Variants in AGBL1 observed in about 807,000 individuals in gnomAD.
The protein encoded by AGBL1 is AGBL carboxypeptidase 1.
AGBL1 carries 130 observed loss-of-function variants against 118.9 expected under a neutral mutation model. The ratio of observed to expected loss-of-function variants is 1.09; its 90% confidence interval spans 0.95 to 1.26. AGBL1 has a LOEUF of 1.26. Ranked by LOEUF, AGBL1 falls within the 50% of genes most tolerant of loss-of-function variation. The pLI is 0.00. For missense variants in AGBL1, 1,584 were observed against 1,298.1 expected (o/e 1.22, Z -3.38); for synonymous variants, 555 against 478.9 (o/e 1.16, Z -2.08).
intron 1 of AGBL1, among the ~76,000 whole-genome samples, chr15:86,127,878 A>G (rs988435347): frequency 3.3e-5 from 5 of 152,170 alleles, no homozygotes; most frequent in African/African-American, 1.2e-4. Context: ...AGAAAAGGAA[A>G]GCCACAAGAG....
At chr15:86,842,944 GA>G (rs1320044567) in intron 22 of AGBL1, among the ~76,000 whole-genome samples, 1 of 152,038 alleles carries the variant, frequency 6.6e-6, no homozygotes, top group East Asian at 1.9e-4. Context: ...ATTCAATCTG[GA>G]AAATGCTTGC....
At chr15:86,647,188 C>CT (rs971761532) in intron 21 of AGBL1, among the ~76,000 whole-genome samples, 53 of 151,084 alleles carry the variant, frequency 3.5e-4, no homozygotes, top group Middle Eastern at 3.4e-3. Flanking sequence ...ATTTTAATAT[C>CT]TTTTTTTTAC....
intron 22 of AGBL1, among the ~76,000 whole-genome samples, chr15:86,838,153 C>A (rs983398026): frequency 6.6e-6 from 1 of 151,302 alleles, no homozygotes; most frequent in African/African-American, 2.4e-5. Context: ...GCTGTTTGAC[C>A]AAATTAGCCC....
chr15:86,275,193 C>G (rs1293706935), intron 15 of AGBL1, among the ~76,000 whole-genome samples: 4 of 152,188 alleles, frequency 2.6e-5, no homozygotes, highest in Non-Finnish European at 5.9e-5. Flanking sequence ...GGGAGGGAAG[C>G]TGTGCGCTTA....
At chr15:86,721,322 C>T (rs1339636475) in intron 22 of AGBL1, among the ~76,000 whole-genome samples, 5 of 152,172 alleles carry the variant, frequency 3.3e-5, no homozygotes, top group South Asian at 2.1e-4. Context: ...GGCTTCATCC[C>T]TGGGATGCAA....
intron 18 of AGBL1, among the ~76,000 whole-genome samples, chr15:86,433,634 G>T (rs2081967129): frequency 6.6e-6 from 1 of 152,120 alleles, no homozygotes; most frequent in Non-Finnish European, 1.5e-5. Flanking sequence ...GAGAACTCTG[G>T]CATGCACTGT....
chr15:86,897,888 G>C (rs1275668570), intron 22 of AGBL1, among the ~76,000 whole-genome samples: 1 of 146,638 alleles, frequency 6.8e-6, no homozygotes, highest in South Asian at 2.2e-4. Context: ...TCCCACCTCA[G>C]CCTCCTGAGT....
At chr15:87,016,500 C>T (rs1297368680) in intron 24 of AGBL1, among the ~76,000 whole-genome samples, 3 of 152,140 alleles carry the variant, frequency 2.0e-5, no homozygotes, top group East Asian at 1.9e-4. Flanking sequence ...CCTTTATTAT[C>T]TCATCTATAA....
chr15:86,883,389 G>A (rs532825728), intron 22 of AGBL1, among the ~76,000 whole-genome samples: 60 of 152,256 alleles, frequency 3.9e-4, no homozygotes, highest in Non-Finnish European at 6.2e-4. Flanking sequence ...ACCAGCATTC[G>A]CTGTGCACAC....
At chr15:86,729,894 A>G (rs12440295) in intron 22 of AGBL1, among the ~76,000 whole-genome samples, 28,953 of 152,164 alleles carry the variant, frequency 0.19, 3,139 homozygotes, top group African/African-American at 0.29. Flanking sequence ...CACCGGCAGT[A>G]TATAAGCATT....
intron 24 of AGBL1, among the ~76,000 whole-genome samples, chr15:87,019,299 C>A (rs1395095398): frequency 6.6e-6 from 1 of 152,062 alleles, no homozygotes; most frequent in African/African-American, 2.4e-5. Flanking sequence ...ACTCTCCACC[C>A]AAAACAACAG....
chr15:86,856,822 A>G (rs1217468364), intron 22 of AGBL1, among the ~76,000 whole-genome samples: 1 of 152,226 alleles, frequency 6.6e-6, no homozygotes, highest in Non-Finnish European at 1.5e-5. Flanking sequence ...TTCTTGCAAC[A>G]ACCCTATGGA....
At chr15:86,558,128 T>C (rs1454203109) in intron 21 of AGBL1, among the ~76,000 whole-genome samples, 1 of 152,156 alleles carries the variant, frequency 6.6e-6, no homozygotes, top group Non-Finnish European at 1.5e-5. Context: ...GAATCTCTTA[T>C]GGACACATTC....
intron 22 of AGBL1, among the ~76,000 whole-genome samples, chr15:86,762,218 G>T (rs1355925296): frequency 6.6e-6 from 1 of 151,962 alleles, no homozygotes; most frequent in Non-Finnish European, 1.5e-5. Context: ...GGGCCTGTTG[G>T]GGGAGGTTGG....
chr15:86,510,397 T>C (rs1216416275), intron 18 of AGBL1, among the ~76,000 whole-genome samples: 1 of 152,028 alleles, frequency 6.6e-6, no homozygotes, highest in Non-Finnish European at 1.5e-5. Flanking sequence ...CTCTTAGGCA[T>C]AGAAAAAGGG....
chr15:86,959,608 T>G (rs972491939), intron 23 of AGBL1, among the ~76,000 whole-genome samples: 1 of 152,128 alleles, frequency 6.6e-6, no homozygotes, highest in Non-Finnish European at 1.5e-5. Context: ...GAATTAAAAT[T>G]TAAGCTCCCT....
intron 22 of AGBL1, among the ~76,000 whole-genome samples, chr15:86,845,764 T>C (rs993531701): frequency 2.6e-5 from 4 of 152,214 alleles, no homozygotes; most frequent in Admixed American, 2.0e-4. Context: ...GTTATAGATA[T>C]ATTTGTATTT....
At position 86,829,550 on chromosome 15, in the gene AGBL1, C is replaced by A. The variant is rs116745714; in HGVS notation, c.3159-77537C>A. Among the ~76,000 whole-genome samples the A allele has an allele frequency of 1.8e-3, 278 of 151,870 alleles. 1 individual carries two copies. The highest frequency in any genetic ancestry group is 0.01 in the Middle Eastern group (3 of 294). On this transcript the variant is annotated intron_variant, in intron 22 of 22. Coordinates refer to ENST00000614907, the MANE Select transcript of AGBL1 (RefSeq NM_001386094.1). ...GCCTTCTATGGAAGAGAACCACTTG[C>A]CATTTGAAAAAAAACATCAGTAGAA...
chr15:86,522,731 G>T (rs369680135), intron 18 of AGBL1, 79 bp from the exon 19 acceptor site: 2 of 1,505,266 alleles, frequency 1.3e-6, no homozygotes, highest in Non-Finnish European at 1.8e-6. Flanking sequence ...TAGTTTAATT[G>T]TTTATCTTGT....
Sources: allele counts gnomAD v4.1 joint callset (sites outside exome capture counted in the v4.1 genomes callset), GRCh38; gene constraint gnomAD v4.1.1; transcripts MANE v1.5; gene names NCBI Gene and HGNC (gene_info 2026-07-23, HGNC 2026-07-21).